The following KLHL32 variants were observed in gnomAD, a reference collection of about 807,000 sequenced individuals.
KLHL32 encodes the protein kelch-like protein 32.
KLHL32 carries 35 observed loss-of-function variants against 64.8 expected under a neutral mutation model. The ratio of observed to expected loss-of-function variants is 0.54; its 90% CI spans 0.41 to 0.72. The LOEUF (loss-of-function observed/expected upper bound fraction) is 0.72, where lower values mean the gene tolerates loss of function less well. Ranked by LOEUF, KLHL32 falls within the 30% of genes least tolerant of loss-of-function variation. The pLI is 0.00. For missense variants in KLHL32, 589 were observed against 768.5 expected, an observed-to-expected ratio of 0.77 and a Z score of 2.76; for synonymous variants, 259 against 281.0, an observed-to-expected ratio of 0.92 and a Z score of 0.78.
intron 6 of KLHL32, among the ~76,000 whole-genome samples, chr6:97,109,874 G>C (rs1173878666): frequency 1.3e-5 from 2 of 152,220 alleles, no homozygotes; most frequent in Admixed American, 6.5e-5. Flanking sequence ...ATATCAGCTA[G>C]AATTACTTGA....
intron 3 of KLHL32, 134 bp downstream of exon 3, chr6:96,976,311 T>C (rs1775685797): frequency 1.3e-6 from 1 of 789,378 alleles, no homozygotes; most frequent in Non-Finnish European, 1.9e-6. Context: ...TGTTCTTTCC[T>C]GGGTAGAATG....
chr6:96,950,826 T>TTCAC (rs1381737045), intron 1 of KLHL32, among the ~76,000 whole-genome samples: 1 of 152,232 alleles, frequency 6.6e-6, no homozygotes, highest in African/African-American at 2.4e-5. Flanking sequence ...ACAAGGGCAT[T>TTCAC]TCACATATGA....
At chr6:97,088,445 A>G (rs1000630271) in intron 6 of KLHL32, among the ~76,000 whole-genome samples, 3 of 152,178 alleles carry the variant, frequency 2.0e-5, no homozygotes, top group Admixed American at 1.3e-4. Flanking sequence ...TTAGAACTTC[A>G]TTTCAGTAGG....
At chr6:96,932,845 A>C (rs1465310699) in intron 1 of KLHL32, among the ~76,000 whole-genome samples, 1 of 152,160 alleles carries the variant, frequency 6.6e-6, no homozygotes, top group Non-Finnish European at 1.5e-5. Flanking sequence ...TGCTGGAATT[A>C]GAGATCTGAG....
intron 3 of KLHL32, among the ~76,000 whole-genome samples, chr6:97,005,453 G>A (rs1210922486): frequency 4.6e-5 from 7 of 151,732 alleles, no homozygotes; most frequent in Non-Finnish European, 1.0e-4. Context: ...TTGAACTTTT[G>A]TATGGTTTTT....
At chr6:97,000,213 A>T (rs1162714943) in intron 3 of KLHL32, among the ~76,000 whole-genome samples, 2 of 152,204 alleles carry the variant, frequency 1.3e-5, no homozygotes, top group African/African-American at 4.8e-5. Flanking sequence ...GTACTATTAG[A>T]GAGTTGGGAA....
intron 5 of KLHL32, among the ~76,000 whole-genome samples, chr6:97,080,673 G>A (rs561261353): frequency 6.6e-5 from 10 of 152,290 alleles, no homozygotes; most frequent in Admixed American, 2.0e-4. Flanking sequence ...TGGCTTGAAC[G>A]TACCTGGCAT....
chr6:97,006,028 A>G (rs1779622538), intron 3 of KLHL32, among the ~76,000 whole-genome samples: 1 of 152,130 alleles, frequency 6.6e-6, no homozygotes, highest in South Asian at 2.1e-4. Context: ...TGTTAGTTCC[A>G]TTTGGTCAAG....
chr6:96,945,751 C>T lies in KLHL32; in HGVS notation c.-66+20725C>T, dbSNP rs916784789. Among the ~76,000 whole-genome samples the T allele has an allele frequency of 7.2e-5, 11 of 152,162 alleles. No individual in the cohort carries two copies. In the South Asian group the frequency reaches 8.3e-4, roughly 11 times the overall value. ...TTCAGAGAAGTGGGTGGTAGCTTCC[C>T]GGGGGAGTCACAGGCTTTAGAGCCA... On this transcript the variant is annotated intron_variant, in intron 1 of 10. Transcript: ENST00000369261.
At chr6:96,903,961 G>C in the KLHL32 span, among the ~76,000 whole-genome samples, 2 of 152,106 alleles carry the variant, frequency 1.3e-5, no homozygotes, top group South Asian at 2.1e-4. Context: ...GAAAATTATA[G>C]AGAATCTGGC....
chr6:96,903,416 C>G, the KLHL32 span, among the ~76,000 whole-genome samples: 1 of 152,154 alleles, frequency 6.6e-6, no homozygotes, highest in Non-Finnish European at 1.5e-5. Context: ...TACGGTCACT[C>G]TCATGATTAC....
intron 3 of KLHL32, among the ~76,000 whole-genome samples, chr6:96,983,197 T>C (rs1776547165): frequency 6.6e-6 from 1 of 152,416 alleles, no homozygotes; most frequent in East Asian, 1.9e-4. Flanking sequence ...GATTTGCATA[T>C]GTTGAACTAG....
At chr6:96,997,091 GCTGACCAA>G (rs1413788381) in intron 3 of KLHL32, among the ~76,000 whole-genome samples, 2 of 152,128 alleles carry the variant, frequency 1.3e-5, no homozygotes, top group Admixed American at 6.5e-5. Flanking sequence ...GGATGTTCAT[GCTGACCAA>G]AGGCTTGAGG....
chr6:96,954,312 A>ATTT lies in KLHL32; in HGVS notation c.-65-12665_-65-12663dup, dbSNP rs71012579. On this transcript the variant is annotated intron_variant, in intron 1 of 10. Transcript: ENST00000369261. ...AATTGTTTTAGTTTTCTTTCCTTCA[A>ATTT]TTTTTTTTTTTTTTTTTTTTTGCTT... Among the ~76,000 whole-genome samples, 632 of 89,448 alleles carry ATTT rather than the reference A, an allele frequency of 7.1e-3. 7 individuals are homozygous for ATTT. The highest frequency in any genetic ancestry group is 0.014 in the African/African-American group (295 of 21,444). The allele number at this position is 89,448 out of a possible 152,430, so 58.7% of individuals were successfully genotyped here.
At chr6:96,914,064 A>T in the KLHL32 span, among the ~76,000 whole-genome samples, 1 of 152,144 alleles carries the variant, frequency 6.6e-6, no homozygotes, top group Admixed American at 6.5e-5. Flanking sequence ...CATGAGAAGG[A>T]TTTAGCCTAA....
rs1382037586 is a variant in KLHL32, at chr6:96,975,499, TTGTATGTG to T, written c.24-496_24-489del. 3.9e-5 allele frequency among the ~76,000 whole-genome samples: 6 copies of T among 152,226 alleles called. No homozygotes were observed. In the East Asian group the frequency reaches 1.2e-3, roughly 29 times the overall value. On this transcript the variant is annotated intron_variant, in intron 2 of 10. Transcript: ENST00000369261. The stretch of plus-strand genomic sequence containing the variant: ...TTGTCCTAACATTTGCTCAGTTTTC[TTGTATGTG>T]TTAACAGAGTCTTGTGTCCTGTGGG...
intron 8 of KLHL32, among the ~76,000 whole-genome samples, chr6:97,128,446 A>G (rs1389614873): frequency 6.6e-6 from 1 of 152,212 alleles, no homozygotes; most frequent in African/African-American, 2.4e-5. Context: ...GAAGGTGTTA[A>G]CATTTCTCAA....
intron 6 of KLHL32, among the ~76,000 whole-genome samples, chr6:97,090,617 T>C (rs1794086162): frequency 6.6e-6 from 1 of 152,234 alleles, no homozygotes; most frequent in Non-Finnish European, 1.5e-5. Context: ...TTGACCCAAA[T>C]GTACCTCTGG....
At chr6:96,987,529 G>A (rs1417542644) in intron 3 of KLHL32, among the ~76,000 whole-genome samples, 1 of 152,110 alleles carries the variant, frequency 6.6e-6, no homozygotes, top group Non-Finnish European at 1.5e-5. Flanking sequence ...CATACTGCCT[G>A]AAGTAATTTA....
Sources: gnomAD v4.1 joint callset for allele counts (sites outside exome capture counted in the v4.1 genomes callset) on GRCh38, gnomAD v4.1.1 for gene constraint, MANE v1.5 for transcripts, NCBI Gene and HGNC (gene_info 2026-07-23, HGNC 2026-07-21) for gene names.